The following PTPRT variants were observed in gnomAD, a reference collection of about 807,000 sequenced individuals.
PTPRT encodes receptor-type tyrosine-protein phosphatase T.
A neutral mutation model predicts 176.8 loss-of-function variants in PTPRT; 56 were observed. The ratio of observed to expected loss-of-function variants is 0.32; its 90% CI spans 0.26 to 0.40. The LOEUF (loss-of-function observed/expected upper bound fraction) is 0.40. PTPRT is among the 10% of genes least tolerant of loss of function. The pLI is 1.00. For missense variants in PTPRT, 1,540 were observed against 1,908.2 expected (o/e 0.81, Z 3.60); for synonymous variants, 783 against 739.0 (o/e 1.06, Z -0.96).
chr20:42,839,668 A>G (rs1272327283), intron 2 of PTPRT, among the ~76,000 whole-genome samples: 2 of 152,204 alleles, frequency 1.3e-5, no homozygotes, highest in Admixed American at 6.5e-5. Context: ...ACATGGGTGG[A>G]GAAAAATGAC....
intron 7 of PTPRT, among the ~76,000 whole-genome samples, chr20:42,528,982 C>CA (rs2072328766): frequency 6.6e-6 from 1 of 152,222 alleles, no homozygotes; most frequent in Non-Finnish European, 1.5e-5. Flanking sequence ...ACCGTGTCAA[C>CA]TATCAGTTTG....
chr20:42,090,707 G>T (rs139952658), intron 27 of PTPRT, among the ~76,000 whole-genome samples: 27 of 152,194 alleles, frequency 1.8e-4, no homozygotes, highest in Non-Finnish European at 3.8e-4. Context: ...AACTCCTGGG[G>T]AGGGAAAGCT....
intron 11 of PTPRT, among the ~76,000 whole-genome samples, chr20:42,341,868 C>T (rs1344567933): frequency 6.6e-6 from 1 of 152,170 alleles, no homozygotes; most frequent in East Asian, 1.9e-4. Flanking sequence ...CCATCGACTG[C>T]TCCATTTAAA....
chr20:42,930,171 C>T (rs970096355), intron 1 of PTPRT, among the ~76,000 whole-genome samples: 1 of 152,162 alleles, frequency 6.6e-6, no homozygotes, highest in Admixed American at 6.5e-5. Flanking sequence ...GGAAGATGAG[C>T]CCTGCTTTGG....
intron 6 of PTPRT, among the ~76,000 whole-genome samples, chr20:42,712,767 A>T (rs1482864304): frequency 2.0e-5 from 3 of 152,258 alleles, no homozygotes; most frequent in Non-Finnish European, 2.9e-5. Flanking sequence ...AATGTTTAGC[A>T]ATCTCAGACC....
At chr20:42,133,401 C>G (rs564723159) in intron 18 of PTPRT, among the ~76,000 whole-genome samples, 7 of 152,154 alleles carry the variant, frequency 4.6e-5, no homozygotes, top group Non-Finnish European at 1.0e-4. Context: ...ATGGAGGAAA[C>G]TTAAATGCAT....
intron 1 of PTPRT, among the ~76,000 whole-genome samples, chr20:43,064,672 C>A (rs552115623): frequency 2.6e-5 from 4 of 152,182 alleles, no homozygotes; most frequent in South Asian, 4.1e-4. Context: ...TCAAAGAAGT[C>A]TTCTGGAAGT....
chr20:42,894,040 T>TAA (rs547948856), intron 1 of PTPRT, among the ~76,000 whole-genome samples: 3 of 147,432 alleles, frequency 2.0e-5, no homozygotes, highest in Non-Finnish European at 3.0e-5. Context: ...ATTAAAAAAT[T>TAA]AAAAAAAAAA....
At chr20:42,924,470 C>T (rs904364289) in intron 1 of PTPRT, among the ~76,000 whole-genome samples, 1 of 152,184 alleles carries the variant, frequency 6.6e-6, no homozygotes, top group Non-Finnish European at 1.5e-5. Context: ...AACCTGATGT[C>T]CAACAGTACT....
At chr20:43,032,473 T>TTAAA (rs1301700897) in intron 1 of PTPRT, among the ~76,000 whole-genome samples, 1 of 121,654 alleles carries the variant, frequency 8.2e-6, no homozygotes, top group African/African-American at 3.0e-5. Context: ...ATCTTTTCAT[T>TTAAA]AAAAAAAAAA....
At chr20:42,531,071 C>A (rs1036518146) in intron 7 of PTPRT, among the ~76,000 whole-genome samples, 1 of 152,172 alleles carries the variant, frequency 6.6e-6, no homozygotes, top group Admixed American at 6.5e-5. Context: ...GACCCACCTG[C>A]GGTTTGGAAG....
intron 1 of PTPRT, among the ~76,000 whole-genome samples, chr20:43,167,207 A>G (rs1451851030): frequency 1.3e-5 from 2 of 152,242 alleles, no homozygotes; most frequent in African/African-American, 2.4e-5. Flanking sequence ...CTCAACTGTC[A>G]TAAGAAATAG....
intron 7 of PTPRT, among the ~76,000 whole-genome samples, chr20:42,526,753 G>C (rs957916636): frequency 6.6e-6 from 1 of 151,940 alleles, no homozygotes; most frequent in Admixed American, 6.6e-5. Flanking sequence ...ACTTGAATCA[G>C]CTATTTGTAG....
At chr20:42,622,884 C>T (rs1344677347) in intron 7 of PTPRT, among the ~76,000 whole-genome samples, 1 of 152,176 alleles carries the variant, frequency 6.6e-6, no homozygotes, top group African/African-American at 2.4e-5. Flanking sequence ...ACCCACAGCC[C>T]TCAGTGAGAA....
intron 1 of PTPRT, among the ~76,000 whole-genome samples, chr20:42,979,114 C>T (rs1051619076): frequency 6.6e-6 from 1 of 151,932 alleles, no homozygotes; most frequent in East Asian, 1.9e-4. Flanking sequence ...AAAAATGGTA[C>T]CTTTATTCTT....
intron 7 of PTPRT, among the ~76,000 whole-genome samples, chr20:42,479,776 G>A (rs2071353811): frequency 6.6e-6 from 1 of 152,170 alleles, no homozygotes; most frequent in Non-Finnish European, 1.5e-5. Context: ...CAATAACAGG[G>A]ATGTTCGACT....
intron 8 of PTPRT, among the ~76,000 whole-genome samples, chr20:42,452,974 A>C (rs189838218): frequency 6.6e-6 from 1 of 152,296 alleles, no homozygotes; most frequent in Admixed American, 6.5e-5. Context: ...CCATCTTACT[A>C]CCATATTAAA....
At chr20:42,108,164 C>T (rs1256190354) in intron 23 of PTPRT, among the ~76,000 whole-genome samples, 3 of 152,158 alleles carry the variant, frequency 2.0e-5, no homozygotes, top group Non-Finnish European at 4.4e-5. Flanking sequence ...GACCAAGTTG[C>T]CTAGTGTCCG....
At chr20:42,916,068 CTCA>C (rs1487739754) in intron 1 of PTPRT, among the ~76,000 whole-genome samples, 1 of 151,164 alleles carries the variant, frequency 6.6e-6, no homozygotes, top group Non-Finnish European at 1.5e-5. Context: ...TACCCATTAA[CTCA>C]TCATTTAGCA....
Sources: allele counts gnomAD v4.1 joint callset (sites outside exome capture counted in the v4.1 genomes callset), GRCh38; gene constraint gnomAD v4.1.1; transcripts MANE v1.5; gene names NCBI Gene and HGNC (gene_info 2026-07-23, HGNC 2026-07-21).